SPG11: variants seen among roughly 807,000 people sequenced by gnomAD.
The protein encoded by SPG11 is spatacsin.
A neutral mutation model predicts 274.0 loss-of-function variants in SPG11; 222 were observed. The observed-to-expected ratio is 0.81, with a 90% CI of 0.73 to 0.91. The LOEUF (loss-of-function observed/expected upper bound fraction) is 0.91, where lower values mean the gene tolerates loss of function less well. Ranked by LOEUF, SPG11 falls within the 40% of genes least tolerant of loss-of-function variation. The pLI, the probability that SPG11 is intolerant of heterozygous loss-of-function variation, is 0.00. For synonymous variants in SPG11, 1,144 were observed against 1,039.7 expected (o/e 1.10, Z -1.93); for missense variants, 3,114 against 2,872.7 (o/e 1.08, Z -1.92).
Position 44,562,738 on chromosome 15 carries a change from C to A in SPG11, c.*383G>T. On this transcript the variant is annotated 3_prime_UTR_variant, in exon 40 of 40. Coordinates refer to ENST00000261866, the MANE Select transcript of SPG11 (RefSeq NM_025137.4). ...TTATTACAGAAAGATCAGTTTCTAACAAATGAAAATGTATCACCTGTTCCT... is the reference window on the plus strand; with the variant it reads ...TTATTACAGAAAGATCAGTTTCTAAAAAATGAAAATGTATCACCTGTTCCT... 1 of 177,026 alleles carries A rather than the reference C, an allele frequency of 5.6e-6. No individual in the cohort carries two copies. Among genetic ancestry groups the A allele is most frequent in the East Asian group, 1.5e-4 (1 of 6,624 alleles). The allele number at this position is 177,026 out of a possible 1,614,324, so 11.0% of individuals were successfully genotyped here. A position where few individuals can be genotyped will look rare whatever the true frequency, so the allele number is the denominator to read the frequency against.
At chr15:44,609,230 C>G (rs1169104833) in intron 18 of SPG11, among the ~76,000 whole-genome samples, 1 of 151,976 alleles carries the variant, frequency 6.6e-6, no homozygotes, top group East Asian at 1.9e-4. Context: ...CTCCCGGGTT[C>G]AAGCAATTCT....
intron 33 of SPG11, 99 bp from the exon 34 acceptor site, chr15:44,570,757 G>T (rs373479872): frequency 2.0e-6 from 3 of 1,499,684 alleles, no homozygotes; most frequent in East Asian, 2.4e-5. Flanking sequence ...TGGAGAAGGG[G>T]CCTGTCTGGA....
chr15:44,633,700 C>A, intron 7 of SPG11, 63 bp from the exon 8 acceptor site: 1 of 1,542,420 alleles, frequency 6.5e-7, no homozygotes, highest in South Asian at 1.2e-5. Flanking sequence ...AATCAGGATT[C>A]AGATTTTTAA....
chr15:44,652,034 A>G, intron 5 of SPG11, 95 bp from the exon 6 acceptor site: 1 of 1,557,234 alleles, frequency 6.4e-7, no homozygotes, highest in Non-Finnish European at 8.7e-7. Flanking sequence ...AAAAAAAAAA[A>G]GTATCTATCA....
At position 44,651,307 on chromosome 15, in the gene SPG11, C is replaced by T. The variant is rs148293863; in HGVS notation, c.1456+184G>A. On this transcript the variant is annotated intron_variant, in intron 6 of 39. Coordinates refer to ENST00000261866, the MANE Select transcript of SPG11 (RefSeq NM_025137.4). ...CTTAGTATCTTAGCATTTAGCTGGG[C>T]AGAAATGACGTTAATTAAAAGCCAA... Among the ~76,000 whole-genome samples the T allele has an allele frequency of 2.4e-4, 36 of 152,256 alleles. No individual in the cohort carries two copies. In the East Asian group the frequency reaches 6.9e-3, roughly 29 times the overall value.
At chr15:44,623,526 C>A (rs1002094820) in intron 11 of SPG11, among the ~76,000 whole-genome samples, 9 of 152,120 alleles carry the variant, frequency 5.9e-5, no homozygotes, top group Non-Finnish European at 1.2e-4. Context: ...AGGAGCCCTA[C>A]TTCTAAGGCT....
chr15:44,640,148 T>C (rs772592879), intron 7 of SPG11, among the ~76,000 whole-genome samples: 24 of 152,180 alleles, frequency 1.6e-4, no homozygotes, highest in Non-Finnish European at 2.8e-4. Context: ...AGATGGAGAT[T>C]GCAGTTAGCC....
intron 4 of SPG11, among the ~76,000 whole-genome samples, chr15:44,656,189 G>C (rs1020877479): frequency 6.6e-6 from 1 of 152,148 alleles, no homozygotes. Context: ...TGTAAAGAAT[G>C]GGCTCATGAA....
rs867849791 is a variant in SPG11 at position 44,619,266 on chromosome 15, A to C, written c.2834+924T>G. ...AAGTGTAAATAGAAAATAATACATA[A>C]AAATATGTTTAAGAAACTTAACATA... On this transcript the variant is annotated intron_variant, in intron 15 of 39. Coordinates refer to ENST00000261866, the MANE Select transcript of SPG11 (RefSeq NM_025137.4). Among the ~76,000 whole-genome samples, 4 of 152,310 alleles carry C rather than the reference A, an allele frequency of 2.6e-5. 1 individual carries two copies. In the South Asian group the frequency reaches 8.3e-4, roughly 32 times the overall value.
chr15:44,585,337 C>G (rs367676880), intron 29 of SPG11, among the ~76,000 whole-genome samples: 4 of 151,648 alleles, frequency 2.6e-5, no homozygotes, highest in Non-Finnish European at 5.9e-5. Flanking sequence ...CGCCTGTAAT[C>G]CCAGCACTTT....
chr15:44,631,878 G>A (rs1289142054), intron 8 of SPG11, among the ~76,000 whole-genome samples: 1 of 146,558 alleles, frequency 6.8e-6, no homozygotes, highest in Non-Finnish European at 1.5e-5. Context: ...GCGTGATGAC[G>A]GCTCACTGCA....
At chr15:44,609,895 ATTTTTTTTT>A (rs771457335) in intron 18 of SPG11, among the ~76,000 whole-genome samples, 3 of 106,114 alleles carry the variant, frequency 2.8e-5, no homozygotes, top group African/African-American at 3.9e-5. Flanking sequence ...TGCCCAGCTA[ATTTTTTTTT>A]TTTTTTTTTT....
chr15:44,628,974 G>C, intron 9 of SPG11, 130 bp from the exon 10 acceptor site: 1 of 999,540 alleles, frequency 1.0e-6, no homozygotes, highest in Non-Finnish European at 1.5e-6. Flanking sequence ...TATGTCTGAG[G>C]ATTTTCCTTT....
chr15:44,623,165 T>C (rs1314510474), intron 11 of SPG11, among the ~76,000 whole-genome samples: 7 of 152,056 alleles, frequency 4.6e-5, no homozygotes, highest in African/African-American at 1.7e-4. Context: ...CCCAGGCTGG[T>C]CTTGAACTCC....
At position 44,598,835 on chromosome 15, in the gene SPG11, T is replaced by TG. The variant is rs1459810136; in HGVS notation, c.3687_3688insC (p.Ile1230HisfsTer7). ...TAGGCTTCATTGCCTACTTGCTGGA[T>TG]CCTGAAAAAGAAAGGAATCAAAATC... is the stretch of plus-strand genomic sequence containing the variant. On this transcript the variant is annotated frameshift_variant and splice_region_variant, in exon 22 of 40. Transcript: ENST00000261866. LOFTEE classifies it high-confidence loss of function. 2 of 1,614,028 alleles carry TG rather than the reference T, an allele frequency of 1.2e-6. No individual in the cohort carries two copies. The highest frequency in any genetic ancestry group is 3.3e-4 in the Middle Eastern group (2 of 6,062).
intron 11 of SPG11, among the ~76,000 whole-genome samples, chr15:44,623,919 C>T (rs911137964): frequency 1.3e-5 from 2 of 152,068 alleles, no homozygotes; most frequent in African/African-American, 4.8e-5. Context: ...CATCACCCAC[C>T]TGGCTAATTT....
chr15:44,593,911 G>A (rs2082965485), intron 26 of SPG11, among the ~76,000 whole-genome samples: 2 of 150,416 alleles, frequency 1.3e-5, no homozygotes, highest in African/African-American at 2.4e-5. Flanking sequence ...ATCCTGCCAC[G>A]CCCGGCTTTT....
intron 33 of SPG11, 31 bp downstream of exon 33, chr15:44,572,652 A>C: frequency 6.2e-7 from 1 of 1,613,472 alleles, no homozygotes; most frequent in Non-Finnish European, 8.5e-7. Flanking sequence ...GTTTAGGGCC[A>C]AAATATGTAA....
intron 2 of SPG11, among the ~76,000 whole-genome samples, chr15:44,660,067 A>T (rs1351577103): frequency 2.0e-5 from 3 of 152,192 alleles, no homozygotes; most frequent in African/African-American, 7.2e-5. Context: ...TCAAAAAAAT[A>T]AAATAAAATA....
Sources: allele counts gnomAD v4.1 joint callset (sites outside exome capture counted in the v4.1 genomes callset), GRCh38; gene constraint gnomAD v4.1.1; transcripts MANE v1.5; gene names NCBI Gene and HGNC (gene_info 2026-07-23, HGNC 2026-07-21).